The following SLC39A11 variants were observed in gnomAD, a reference collection of about 807,000 sequenced individuals.
SLC39A11 encodes the protein zinc transporter ZIP11.
SLC39A11 carries 33 observed loss-of-function variants against 36.1 expected under a neutral mutation model. The observed-to-expected ratio is 0.91, with a 90% CI of 0.69 to 1.22. The LOEUF is 1.22. Ranked by LOEUF, SLC39A11 falls within the 50% of genes most tolerant of loss-of-function variation. The probability of loss-of-function intolerance (pLI) is 0.00; values close to 1 mark genes in which losing one functional copy is unlikely to be tolerated. For missense variants in SLC39A11, 432 were observed against 430.3 expected, an observed-to-expected ratio of 1.00 and a Z score of -0.03; for synonymous variants, 166 against 170.3, an observed-to-expected ratio of 0.97 and a Z score of 0.20.
intron 6 of SLC39A11, among the ~76,000 whole-genome samples, chr17:72,768,638 C>T: frequency 6.6e-6 from 1 of 152,328 alleles, no homozygotes; most frequent in Admixed American, 6.5e-5. Context: ...CACATTATCT[C>T]ATATGTGACT....
intron 6 of SLC39A11, among the ~76,000 whole-genome samples, chr17:72,756,327 C>T (rs1464055007): frequency 2.6e-5 from 4 of 152,198 alleles, no homozygotes; most frequent in Non-Finnish European, 5.9e-5. Context: ...GAGATACTTG[C>T]CTACCTACAT....
chr17:72,958,563 G>A (rs116048410), intron 4 of SLC39A11, among the ~76,000 whole-genome samples: 1 of 152,114 alleles, frequency 6.6e-6, no homozygotes, highest in Non-Finnish European at 1.5e-5. Context: ...ATTCTCAAAA[G>A]AAGATGGCCC....
At chr17:72,780,524 G>GT (rs2076276449) in intron 6 of SLC39A11, among the ~76,000 whole-genome samples, 1 of 135,084 alleles carries the variant, frequency 7.4e-6, no homozygotes, top group African/African-American at 2.7e-5. Context: ...TGAAGATGGG[G>GT]GGCGGGTGGG....
chr17:73,017,704 G>T (rs533103315), intron 4 of SLC39A11, among the ~76,000 whole-genome samples: 2 of 151,868 alleles, frequency 1.3e-5, no homozygotes, highest in Admixed American at 6.6e-5. Flanking sequence ...TATAGACTTC[G>T]TCTCAAAAAT....
rs9899686 is a variant in SLC39A11 at position 72,825,284 on chromosome 17, C to T, written c.601+24350G>A. Among the ~76,000 whole-genome samples, 1,415 of 152,332 alleles carry T rather than the reference C, an allele frequency of 9.3e-3. 31 individuals are homozygous for T. The highest frequency in any genetic ancestry group is 0.033 in the African/African-American group (1,374 of 41,568). ...TCTCAGGCCACTGTTCCAGAGGGTG[C>T]AAGCCATAAACCTTGGTGGCTTCCA... is the stretch of plus-strand genomic sequence containing the variant. On this transcript the variant is annotated intron_variant, in intron 6 of 9. Coordinates refer to ENST00000255559, the MANE Select transcript of SLC39A11 (RefSeq NM_139177.4).
At position 72,758,243 on chromosome 17, in the gene SLC39A11, T is replaced by A. The variant is rs2075436960; in HGVS notation, c.602-21524A>T. ...ATCATGGATTGGATCAATTAGTCAG[T>A]CAAAGATAATGATTATAAGAAAGGT... On this transcript the variant is annotated intron_variant, in intron 6 of 9. Coordinates refer to ENST00000255559, the MANE Select transcript of SLC39A11 (RefSeq NM_139177.4). Among the ~76,000 whole-genome samples the A allele has an allele frequency of 1.3e-5, 2 of 152,132 alleles. 1 individual carries two copies. Among genetic ancestry groups the A allele is most frequent in the South Asian group, 4.1e-4 (2 of 4,824 alleles).
intron 7 of SLC39A11, among the ~76,000 whole-genome samples, chr17:72,720,558 A>G (rs2714031): frequency 0.13 from 19,680 of 152,106 alleles, 1,463 homozygotes; most frequent in African/African-American, 0.21. Flanking sequence ...CTGAGTGGAA[A>G]TAGAAATGGG....
At chr17:72,658,002 C>T (rs529578306) in intron 7 of SLC39A11, among the ~76,000 whole-genome samples, 76 of 152,174 alleles carry the variant, frequency 5.0e-4, no homozygotes, top group Non-Finnish European at 1.0e-3. Context: ...TGGGCAGGCA[C>T]GGCAGAAGCA....
chr17:72,731,788 G>A lies in SLC39A11; in HGVS notation c.671+4862C>T, dbSNP rs567275544. On this transcript the variant is annotated intron_variant, in intron 7 of 9. Transcript: ENST00000255559. ...GTTGCCCAGGCTGGAATGCAATGGC[G>A]CGATCTTGGCACACTGCAACCTCCA... Among the ~76,000 whole-genome samples the A allele has an allele frequency of 6.6e-5, 10 of 151,946 alleles. No homozygotes were observed. The East Asian group carries it at 1.2e-3, about 18-fold the overall frequency.
At chr17:72,967,397 A>AGTGTGTGTGT (rs1372219975) in intron 4 of SLC39A11, among the ~76,000 whole-genome samples, 2 of 140,796 alleles carry the variant, frequency 1.4e-5, no homozygotes, top group African/African-American at 5.9e-5. Flanking sequence ...AGAGAGAGAG[A>AGTGTGTGTGT]GAGTGTGTGT....
chr17:72,834,872 T>G (rs116004413), intron 6 of SLC39A11, among the ~76,000 whole-genome samples: 1,770 of 152,340 alleles, frequency 0.012, 25 homozygotes, highest in African/African-American at 0.04. Context: ...TAGCGCAGCA[T>G]TAGACTTTCA....
rs942217759 is a variant in SLC39A11 at position 72,663,054 on chromosome 17, C to A, written c.672-13786G>T. On this transcript the variant is annotated intron_variant, in intron 7 of 9. Coordinates refer to ENST00000255559, the MANE Select transcript of SLC39A11 (RefSeq NM_139177.4). ...TGAGTCTGGAGCCACGTCACAGACA[C>A]AATTCTGAGTGAGAAAAACTAGACA... Among the ~76,000 whole-genome samples the A allele has an allele frequency of 3.9e-5, 6 of 152,306 alleles. No homozygotes were observed. The East Asian group carries it at 7.7e-4, about 20-fold the overall frequency.
intron 6 of SLC39A11, among the ~76,000 whole-genome samples, chr17:72,744,182 A>T (rs1010448054): frequency 6.6e-6 from 1 of 152,166 alleles, no homozygotes; most frequent in African/African-American, 2.4e-5. Context: ...TGAAAGGGGG[A>T]TAACACTGCT....
intron 5 of SLC39A11, among the ~76,000 whole-genome samples, chr17:72,945,916 C>A (rs1043519982): frequency 5.9e-5 from 9 of 152,162 alleles, no homozygotes; most frequent in Non-Finnish European, 1.2e-4. Flanking sequence ...ACCACCTTCC[C>A]CCGACCCCAC....
chr17:72,949,549 T>C (rs2085715024), intron 4 of SLC39A11, among the ~76,000 whole-genome samples: 1 of 151,990 alleles, frequency 6.6e-6, no homozygotes, highest in South Asian at 2.1e-4. Context: ...GGTGAGAGCC[T>C]GCTTCTTGGT....
At chr17:72,738,466 T>C (rs2074530158) in intron 6 of SLC39A11, among the ~76,000 whole-genome samples, 1 of 152,116 alleles carries the variant, frequency 6.6e-6, no homozygotes, top group Non-Finnish European at 1.5e-5. Flanking sequence ...TTTCCTGTGG[T>C]ACATGGGCTT....
chr17:73,016,840 C>T (rs952924686), intron 4 of SLC39A11, among the ~76,000 whole-genome samples: 1 of 152,232 alleles, frequency 6.6e-6, no homozygotes, highest in Non-Finnish European at 1.5e-5. Flanking sequence ...TGTCCTGGCT[C>T]TCTGTGTGTA....
chr17:72,918,464 T>A (rs533375930), intron 5 of SLC39A11, among the ~76,000 whole-genome samples: 33 of 152,224 alleles, frequency 2.2e-4, no homozygotes, highest in African/African-American at 7.2e-4. Context: ...CAAGGTCCAC[T>A]TAAACTCCTA....
chr17:72,777,520 CATACAG>C (rs1427474647), intron 6 of SLC39A11, among the ~76,000 whole-genome samples: 2 of 152,144 alleles, frequency 1.3e-5, no homozygotes, highest in African/African-American at 4.8e-5. Flanking sequence ...AACCCAGAGA[CATACAG>C]ATACAGAGGG....
Sources: allele counts gnomAD v4.1 joint callset (sites outside exome capture counted in the v4.1 genomes callset), GRCh38; gene constraint gnomAD v4.1.1; transcripts MANE v1.5; gene names NCBI Gene and HGNC (gene_info 2026-07-23, HGNC 2026-07-21).